The following PDE11A variants were observed in gnomAD, a reference collection of about 807,000 sequenced individuals.
PDE11A encodes the protein dual 3',5'-cyclic-AMP and -GMP phosphodiesterase 11A.
In PDE11A, 100 loss-of-function variants were observed where a neutral mutation model predicts 100.5. The ratio of observed to expected loss-of-function variants is 1.00; its 90% CI spans 0.85 to 1.18. The LOEUF (loss-of-function observed/expected upper bound fraction) is 1.18, where lower values mean the gene tolerates loss of function less well. Among genes scored for constraint, PDE11A ranks in the 50% most tolerant of loss-of-function variants. The pLI, the probability that PDE11A is intolerant of heterozygous loss-of-function variation, is 0.00. For synonymous variants in PDE11A, 381 were observed against 420.8 expected (o/e 0.91, Z 1.16); for missense variants, 1,141 against 1,152.6 (o/e 0.99, Z 0.15).
At chr2:178,102,757 C>G (rs2087575180) in intron 2 of PDE11A, among the ~76,000 whole-genome samples, 1 of 152,078 alleles carries the variant, frequency 6.6e-6, no homozygotes, top group Non-Finnish European at 1.5e-5. Flanking sequence ...AAAAGTAGTC[C>G]TTTATTATGA....
chr2:178,099,540 C>T (rs13013828), intron 2 of PDE11A, among the ~76,000 whole-genome samples: 14,969 of 150,838 alleles, frequency 0.099, 793 homozygotes, highest in African/African-American at 0.12. Flanking sequence ...AAAACCAAAA[C>T]CACATGAGAT....
intron 5 of PDE11A, among the ~76,000 whole-genome samples, chr2:177,851,129 A>G (rs1247340866): frequency 1.3e-5 from 2 of 152,206 alleles, no homozygotes; most frequent in Non-Finnish European, 2.9e-5. Flanking sequence ...AAGACTTGGA[A>G]CCAACCCAAA....
At chr2:178,011,515 G>T (rs941448313) in intron 2 of PDE11A, among the ~76,000 whole-genome samples, 49 of 152,182 alleles carry the variant, frequency 3.2e-4, no homozygotes, top group African/African-American at 1.1e-3. Context: ...GGGAAGAGGT[G>T]CAGAGCTTCT....
intron 2 of PDE11A, among the ~76,000 whole-genome samples, chr2:177,941,567 C>T (rs946657799): frequency 4.6e-5 from 7 of 152,190 alleles, no homozygotes; most frequent in African/African-American, 1.7e-4. Context: ...AATCTCTCTA[C>T]AAAGAGATCT....
chr2:177,906,452 T>A (rs1442344631), intron 2 of PDE11A, among the ~76,000 whole-genome samples: 1 of 152,196 alleles, frequency 6.6e-6, no homozygotes, highest in African/African-American at 2.4e-5. Context: ...CTGAATTTCC[T>A]ATTAAAATCT....
At chr2:177,895,553 C>CA (rs1293338206) in intron 4 of PDE11A, among the ~76,000 whole-genome samples, 3,767 of 82,282 alleles carry the variant, frequency 0.046, 79 homozygotes, top group East Asian at 0.12. Flanking sequence ...GACTCCACCT[C>CA]AAAAAAAAAA....
chr2:177,994,907 A>G (rs114617049), intron 2 of PDE11A, among the ~76,000 whole-genome samples: 2,380 of 152,252 alleles, frequency 0.016, 27 homozygotes, highest in South Asian at 0.026. Flanking sequence ...GAAAAAAAAA[A>G]CCACAGTGTT....
At chr2:177,768,567 T>C (rs1390722639) in intron 10 of PDE11A, among the ~76,000 whole-genome samples, 1 of 152,182 alleles carries the variant, frequency 6.6e-6, no homozygotes, top group Non-Finnish European at 1.5e-5. Context: ...ACTCCCGTGT[T>C]TTGCTCATTG....
intron 6 of PDE11A, among the ~76,000 whole-genome samples, chr2:177,827,783 G>C (rs3770049): frequency 6.6e-6 from 1 of 152,322 alleles, no homozygotes; most frequent in East Asian, 1.9e-4. Context: ...GATTGTAATG[G>C]TGAGGATATT....
At position 177,624,260 on chromosome 2, in the gene PDE11A, G is replaced by GTTT. The variant is rs4020005; in HGVS notation, c.*5144_*5146dup. ...AATGAATCCTTTTTGTGTTTTGGTG[G>GTTT]TTTTTTTTTTTTTCAGCCAAGGCAT... On this transcript the variant is annotated 3_prime_UTR_variant, in exon 20 of 20. Coordinates refer to ENST00000286063, the MANE Select transcript of PDE11A (RefSeq NM_016953.4). 2,590 of 142,710 alleles carry GTTT rather than the reference G, an allele frequency of 0.018. 36 individuals carry two copies. Among genetic ancestry groups the GTTT allele is most frequent in the Non-Finnish European group, 0.024 (1,605 of 65,916 alleles). 8.8% of individuals were successfully genotyped at this position (142,710 alleles called of 1,614,324 possible). A position where few individuals can be genotyped will look rare whatever the true frequency, so the allele number is the denominator to read the frequency against.
At chr2:177,905,237 A>T (rs757225874) in intron 2 of PDE11A, 50 bp from the exon 3 acceptor site, 18 of 999,176 alleles carry the variant, frequency 1.8e-5, no homozygotes, top group Non-Finnish European at 2.7e-5. Context: ...ACATTGATAC[A>T]TCCCTTGTAG....
At chr2:178,028,786 C>T (rs1419541720) in intron 1 of PDE11A, among the ~76,000 whole-genome samples, 1 of 152,168 alleles carries the variant, frequency 6.6e-6, no homozygotes, top group African/African-American at 2.4e-5. Flanking sequence ...TCTGATATAT[C>T]GGCTAGCATT....
In PDE11A at chr2:177,701,219, A is replaced by AG; in HGVS notation, c.2154-9dup. 7.0e-7 allele frequency: 1 copy of AG among 1,423,960 alleles called. No individual in the cohort carries two copies. Among genetic ancestry groups the AG allele is most frequent in the Middle Eastern group, 1.8e-4 (1 of 5,568 alleles). 88.2% of individuals were successfully genotyped at this position (1,423,960 alleles called of 1,614,324 possible). On this transcript the variant is annotated splice_polypyrimidine_tract_variant and intron_variant, in intron 13 of 19. Transcript: ENST00000286063. ...GCCAGGGCAGAGCCACTCCTGAAAG[A>AG]GGACAGAGGGTGAGTGAGCAGGGCC... is the stretch of plus-strand genomic sequence containing the variant.
upstream of PDE11A, among the ~76,000 whole-genome samples, chr2:178,075,111 A>G (rs2087190269): frequency 6.6e-6 from 1 of 152,198 alleles, no homozygotes; most frequent in South Asian, 2.1e-4. Flanking sequence ...AAATGACAGA[A>G]ACAGTGAAGA....
intron 6 of PDE11A, among the ~76,000 whole-genome samples, chr2:177,829,546 C>T (rs1002553012): frequency 5.9e-5 from 9 of 151,480 alleles, no homozygotes; most frequent in African/African-American, 1.5e-4. Flanking sequence ...TGAGTTCAAG[C>T]AATTCTCCTG....
At chr2:177,995,777 T>C (rs1400539281) in intron 2 of PDE11A, among the ~76,000 whole-genome samples, 1 of 152,176 alleles carries the variant, frequency 6.6e-6, no homozygotes, top group Non-Finnish European at 1.5e-5. Context: ...CCCTTCCTTA[T>C]TGGTACCATG....
chr2:177,692,412 A>G (rs1019948400), intron 15 of PDE11A, among the ~76,000 whole-genome samples: 19 of 152,170 alleles, frequency 1.2e-4, no homozygotes, highest in African/African-American at 3.9e-4. Flanking sequence ...GGTACTTTAC[A>G]TTGTCAAAGC....
At chr2:177,908,319 C>T (rs753894808) in intron 2 of PDE11A, among the ~76,000 whole-genome samples, 1 of 152,110 alleles carries the variant, frequency 6.6e-6, no homozygotes, top group African/African-American at 2.4e-5. Flanking sequence ...AACAAGGCAA[C>T]CATTCTCAGG....
Position 177,727,716 on chromosome 2 carries a change from A to G in PDE11A, c.1985T>C (p.Leu662Pro). 2 of 1,612,486 alleles carry G rather than the reference A, an allele frequency of 1.2e-6. No individual in the cohort carries two copies. Among genetic ancestry groups the G allele is most frequent in the Non-Finnish European group, 1.7e-6 (2 of 1,178,546 alleles). Residue 662 changes from leucine to proline, a missense_variant, in exon 12 of 20, where the codon CTA (leucine) becomes CCA (proline). By Grantham distance (98) the Leu-to-Pro change is moderately conservative (BLOSUM62 -3). Transcript: ENST00000286063. Reference sequence around the variant, plus strand: ...GAAGGCATGTCTCCAGTTGTGGTATAGAACCATCCGATAGTTTTTCCTCAC... The same window carrying G: ...GAAGGCATGTCTCCAGTTGTGGTATGGAACCATCCGATAGTTTTTCCTCAC... ...LTVRKNYRMV[L>P]YHNWRHAFNV... is the part of the protein sequence containing the mutation.
Sources: allele counts gnomAD v4.1 joint callset (sites outside exome capture counted in the v4.1 genomes callset), GRCh38; gene constraint gnomAD v4.1.1; transcripts MANE v1.5; gene names NCBI Gene and HGNC (gene_info 2026-07-23, HGNC 2026-07-21).